Variants in OSBPL6 observed in about 807,000 individuals in gnomAD.
OSBPL6 encodes the protein oxysterol-binding protein-related protein 6.
A neutral mutation model predicts 125.8 loss-of-function variants in OSBPL6; 49 were observed. That is an observed-to-expected ratio of 0.39 (90% CI 0.31 to 0.49). The LOEUF is 0.49. Among genes scored for constraint, OSBPL6 ranks in the 20% least tolerant of loss-of-function variants. OSBPL6 has a pLI of 0.88. For missense variants in OSBPL6, 986 were observed against 1,135.4 expected (o/e 0.87, Z 1.89); for synonymous variants, 394 against 391.8 (o/e 1.01, Z -0.07).
rs975100885 is a variant in OSBPL6 at position 178,352,598 on chromosome 2, G to A, written c.1153+3209G>A. On this transcript the variant is annotated intron_variant, in intron 12 of 24. Coordinates refer to ENST00000190611, the MANE Select transcript of OSBPL6 (RefSeq NM_032523.4). ...AAAGCAGTCAGGAAGCTCGAACTGG[G>A]CAGAGCCCACTGCAGCTCAGTAAGG... is the stretch of plus-strand genomic sequence containing the variant. Among the ~76,000 whole-genome samples, 3 of 152,206 alleles carry A rather than the reference G, an allele frequency of 2.0e-5. No homozygotes were observed. The East Asian group carries it at 5.8e-4, about 29-fold the overall frequency.
chr2:178,250,843 A>G (rs1363384843), intron 1 of OSBPL6, among the ~76,000 whole-genome samples: 2 of 151,988 alleles, frequency 1.3e-5, no homozygotes, highest in Non-Finnish European at 2.9e-5. Flanking sequence ...GATTTGTGTC[A>G]TTATTGATCT....
chr2:178,349,703 T>G (rs1691061693), intron 12 of OSBPL6, among the ~76,000 whole-genome samples: 1 of 152,206 alleles, frequency 6.6e-6, no homozygotes. Context: ...ATTTAATACG[T>G]ATTTATTGGT....
chr2:178,241,617 T>C (rs1291065300), intron 1 of OSBPL6, among the ~76,000 whole-genome samples: 2 of 151,234 alleles, frequency 1.3e-5, no homozygotes, highest in Non-Finnish European at 3.0e-5. Context: ...GGTTTCTCCA[T>C]GTTGGCCAGG....
intron 1 of OSBPL6, among the ~76,000 whole-genome samples, chr2:178,260,528 T>G (rs1305159748): frequency 6.6e-6 from 1 of 152,100 alleles, no homozygotes; most frequent in Admixed American, 6.6e-5. Context: ...GGATTGGCCA[T>G]CTCTCTAAGG....
chr2:178,386,946 A>T (rs1241562919), intron 19 of OSBPL6, 115 bp from the exon 20 acceptor site: 2 of 579,400 alleles, frequency 3.5e-6, no homozygotes, highest in East Asian at 6.9e-5. Context: ...TCAGCAATAT[A>T]GAATCAGTTG....
intron 3 of OSBPL6, among the ~76,000 whole-genome samples, chr2:178,311,883 CAG>C (rs1489501670): frequency 4.6e-5 from 7 of 152,218 alleles, no homozygotes; most frequent in Admixed American, 6.5e-5. Flanking sequence ...CAGACAAAAG[CAG>C]AGAGTTGGGA....
chr2:178,259,846 C>A (rs539224926), intron 1 of OSBPL6, among the ~76,000 whole-genome samples: 8 of 152,220 alleles, frequency 5.3e-5, no homozygotes, highest in Admixed American at 1.3e-4. Flanking sequence ...AGAAGAGAGT[C>A]CAAATGGTAA....
intron 1 of OSBPL6, among the ~76,000 whole-genome samples, chr2:178,243,929 G>A (rs1574607674): frequency 6.6e-6 from 1 of 152,200 alleles, no homozygotes; most frequent in Admixed American, 6.5e-5. Flanking sequence ...GGGATTACAG[G>A]CGTGAGCCAA....
At chr2:178,203,651 C>A (rs1273862225) in intron 1 of OSBPL6, among the ~76,000 whole-genome samples, 2 of 152,050 alleles carry the variant, frequency 1.3e-5, no homozygotes, top group Non-Finnish European at 2.9e-5. Context: ...GGAATTTTAC[C>A]TTGTTGGGTG....
At chr2:178,257,942 C>T (rs1283656476) in intron 1 of OSBPL6, among the ~76,000 whole-genome samples, 2 of 151,922 alleles carry the variant, frequency 1.3e-5, no homozygotes, top group Non-Finnish European at 2.9e-5. Context: ...GTGTGTGCCA[C>T]TATGCCCAGA....
At chr2:178,301,610 T>A (rs1274865573) in intron 2 of OSBPL6, among the ~76,000 whole-genome samples, 1 of 152,228 alleles carries the variant, frequency 6.6e-6, no homozygotes, top group East Asian at 1.9e-4. Context: ...ATAGTTTATA[T>A]AGTAAATTAT....
At chr2:178,393,712 CT>C (rs1467654945) in intron 23 of OSBPL6, among the ~76,000 whole-genome samples, 3 of 152,072 alleles carry the variant, frequency 2.0e-5, no homozygotes, top group Non-Finnish European at 4.4e-5. Context: ...CTGCTTTTTC[CT>C]TCTCAATTCT....
chr2:178,258,141 C>T (rs2091944237), intron 1 of OSBPL6, among the ~76,000 whole-genome samples: 1 of 151,076 alleles, frequency 6.6e-6, no homozygotes, highest in Non-Finnish European at 1.5e-5. Flanking sequence ...CACTCTGTCA[C>T]CCAGGCTGGA....
intron 11 of OSBPL6, among the ~76,000 whole-genome samples, chr2:178,344,714 G>C (rs1690544665): frequency 6.6e-6 from 1 of 151,244 alleles, no homozygotes; most frequent in African/African-American, 2.4e-5. Context: ...TTTGCTAACT[G>C]ATTTCTCTTT....
chr2:178,251,329 A>G (rs549834090), intron 1 of OSBPL6, among the ~76,000 whole-genome samples: 1 of 152,142 alleles, frequency 6.6e-6, no homozygotes, highest in East Asian at 1.9e-4. Context: ...TCAGTATTAT[A>G]AAGTCAGACT....
rs1298591355 is a variant in OSBPL6, at chr2:178,399,258, TG to T, written c.*3703del. 7.9e-5 allele frequency: 12 copies of T among 152,188 alleles called. No individual in the cohort carries two copies. Among genetic ancestry groups the T allele is most frequent in the African/African-American group, 2.7e-4 (11 of 41,456 alleles). 9.4% of individuals were successfully genotyped at this position (152,188 alleles called of 1,614,324 possible). A position where few individuals can be genotyped will look rare whatever the true frequency, so the allele number is the denominator to read the frequency against. On this transcript the variant is annotated 3_prime_UTR_variant, in exon 25 of 25. Coordinates refer to ENST00000190611, the MANE Select transcript of OSBPL6 (RefSeq NM_032523.4). ...TAAATGGAGTTAAGATTAAAGTATT[TG>T]GGGTTTTTTTTCCCCAAAAGCTTCC...
intron 3 of OSBPL6, among the ~76,000 whole-genome samples, chr2:178,315,940 G>T (rs988128256): frequency 6.6e-6 from 1 of 152,150 alleles, no homozygotes; most frequent in Non-Finnish European, 1.5e-5. Flanking sequence ...AGGACCATAG[G>T]TCTACAAAAC....
intron 3 of OSBPL6, among the ~76,000 whole-genome samples, chr2:178,323,375 G>A (rs569734874): frequency 1.3e-4 from 20 of 152,226 alleles, no homozygotes; most frequent in Admixed American, 4.6e-4. Context: ...GACACCTACC[G>A]TTTATGGTAT....
chr2:178,316,255 A>T (rs879821226), intron 3 of OSBPL6, among the ~76,000 whole-genome samples: 12 of 152,202 alleles, frequency 7.9e-5, no homozygotes, highest in Admixed American at 3.3e-4. Context: ...AGTGATATGT[A>T]TCTAAAGTCT....
Sources: gnomAD v4.1 joint callset for allele counts (sites outside exome capture counted in the v4.1 genomes callset) on GRCh38, gnomAD v4.1.1 for gene constraint, MANE v1.5 for transcripts, NCBI Gene and HGNC (gene_info 2026-07-23, HGNC 2026-07-21) for gene names.